CIMIP2C: variants seen among roughly 807,000 people sequenced by gnomAD.
CIMIP2C encodes the protein ciliary microtubule inner protein 2C, also known as UPF0573 protein C2orf70.
At chr2:26,562,817 G>T in the CIMIP2C span, 1 of 777,066 alleles carries the variant, frequency 1.3e-6, no homozygotes, top group African/African-American at 1.8e-5. Flanking sequence ...ACCCGACGGG[G>T]CGAGGGGCCT....
At chr2:26,565,069 C>T in the CIMIP2C span, among the ~76,000 whole-genome samples, 1 of 150,984 alleles carries the variant, frequency 6.6e-6, no homozygotes, top group African/African-American at 2.4e-5. Context: ...TCTTCCCCTT[C>T]CCCTTCCCCT....
chr2:26,569,340 T>A, the CIMIP2C span, among the ~76,000 whole-genome samples: 1 of 152,088 alleles, frequency 6.6e-6, no homozygotes, highest in Middle Eastern at 3.2e-3. Flanking sequence ...CAGTGGATGA[T>A]GCGGCTGGAA....
At chr2:26,572,161 C>A in the CIMIP2C span, 3 of 1,534,512 alleles carry the variant, frequency 2.0e-6, no homozygotes, top group Admixed American at 2.1e-5. Flanking sequence ...AGTAAGTGCA[C>A]CCCCATCTCC....
chr2:26,571,461 C>A, the CIMIP2C span, among the ~76,000 whole-genome samples: 1 of 152,356 alleles, frequency 6.6e-6, no homozygotes, highest in Non-Finnish European at 1.5e-5. Flanking sequence ...GCGCCTGACA[C>A]ATGCACCCCA....
At chr2:26,579,423 T>A in the CIMIP2C span, 1 of 1,613,760 alleles carries the variant, frequency 6.2e-7, no homozygotes. Context: ...ACTGCTACTT[T>A]GAGTTCAGAG....
At chr2:26,579,492 C>G in the CIMIP2C span, 1 of 1,587,344 alleles carries the variant, frequency 6.3e-7, no homozygotes. Context: ...CGTGACCAGC[C>G]TGGCTTGCTT....
At chr2:26,579,144 C>A in the CIMIP2C span, 1 of 809,520 alleles carries the variant, frequency 1.2e-6, no homozygotes, top group Non-Finnish European at 2.0e-6. Flanking sequence ...ATTCCCACCC[C>A]AAGTCCAGGG....
chr2:26,577,290 G>A, the CIMIP2C span, among the ~76,000 whole-genome samples: 1 of 152,212 alleles, frequency 6.6e-6, no homozygotes, highest in African/African-American at 2.4e-5. Context: ...AAGCTGGTCT[G>A]GTGGGTGTCG....
chr2:26,568,442 A>G, the CIMIP2C span, among the ~76,000 whole-genome samples: 1 of 152,230 alleles, frequency 6.6e-6, no homozygotes, highest in Non-Finnish European at 1.5e-5. Flanking sequence ...TTTCATAGGT[A>G]ACTGGTGCCT....
the CIMIP2C span, chr2:26,562,684 C>G: frequency 3.5e-5 from 55 of 1,568,750 alleles, 1 homozygote; most frequent in Middle Eastern, 8.3e-4. Context: ...GACTCATGCC[C>G]GGGTAAGGCC....
chr2:26,565,955 G>A, the CIMIP2C span, among the ~76,000 whole-genome samples: 1 of 152,360 alleles, frequency 6.6e-6, no homozygotes, highest in South Asian at 2.1e-4. Context: ...CGCCTGGCCT[G>A]GGTGCTATTC....
chr2:26,568,039 C>T, the CIMIP2C span, among the ~76,000 whole-genome samples: 6 of 152,224 alleles, frequency 3.9e-5, no homozygotes, highest in Non-Finnish European at 5.9e-5. Flanking sequence ...GGCACACCCC[C>T]GCCCCCAGGC....
At chr2:26,571,141 TA>T in the CIMIP2C span, among the ~76,000 whole-genome samples, 1 of 152,020 alleles carries the variant, frequency 6.6e-6, no homozygotes, top group East Asian at 1.9e-4. Flanking sequence ...GACCCAGAGG[TA>T]GAGAGGCTGT....
the CIMIP2C span, among the ~76,000 whole-genome samples, chr2:26,571,362 G>A: frequency 6.6e-6 from 1 of 152,174 alleles, no homozygotes; most frequent in Non-Finnish European, 1.5e-5. Flanking sequence ...CCTGGGAATG[G>A]CCTTCCCTCC....
chr2:26,562,619 T>G, the CIMIP2C span: 1 of 1,581,160 alleles, frequency 6.3e-7, no homozygotes, highest in Non-Finnish European at 8.6e-7. Context: ...CACCATGGCC[T>G]CCCGCAGCGC....
the CIMIP2C span, chr2:26,562,680 T>C: frequency 6.4e-7 from 1 of 1,573,166 alleles, no homozygotes; most frequent in Non-Finnish European, 8.6e-7. Context: ...CCTGGACTCA[T>C]GCCCGGGTAA....
chr2:26,574,894 G>T, the CIMIP2C span, among the ~76,000 whole-genome samples: 4 of 152,222 alleles, frequency 2.6e-5, no homozygotes, highest in Admixed American at 2.0e-4. Context: ...CGATTTCAAG[G>T]GCCTCATGGA....
chr2:26,567,996 C>T, the CIMIP2C span, among the ~76,000 whole-genome samples: 1 of 152,162 alleles, frequency 6.6e-6, no homozygotes, highest in Non-Finnish European at 1.5e-5. Flanking sequence ...GGGACCTCCT[C>T]GTGTGAAGCC....
chr2:26,569,887 C>T, the CIMIP2C span, among the ~76,000 whole-genome samples: 6 of 152,212 alleles, frequency 3.9e-5, no homozygotes, highest in Non-Finnish European at 8.8e-5. Context: ...TCCTCCCTAC[C>T]TTGGCCTGCC....
Sources: gnomAD v4.1 joint callset for allele counts (sites outside exome capture counted in the v4.1 genomes callset) on GRCh38, gnomAD v4.1.1 for gene constraint, MANE v1.5 for transcripts, NCBI Gene and HGNC (gene_info 2026-07-23, HGNC 2026-07-21) for gene names.